The following EBF1 variants were observed in gnomAD, a reference collection of about 807,000 sequenced individuals.
EBF1 encodes transcription factor COE1.
EBF1 carries 10 observed loss-of-function variants against 68.4 expected under a neutral mutation model. The observed-to-expected ratio is 0.15, with a 90% CI of 0.09 to 0.25. The LOEUF is 0.25. Among genes scored for constraint, EBF1 ranks in the 10% least tolerant of loss-of-function variants. The pLI is 1.00. For synonymous variants in EBF1, 298 were observed against 299.8 expected (o/e 0.99, Z 0.06); for missense variants, 509 against 794.4 (o/e 0.64, Z 4.32).
Position 158,818,130 on chromosome 5 carries a change from T to A in EBF1, c.778+5046A>T, listed in dbSNP as rs140717263. The stretch of plus-strand genomic sequence containing the variant: ...AAAACTGAGGCCCACAGAAGCAAAG[T>A]GACCTTCCCAGGGCCACTTCAGCCA... On this transcript the variant is annotated intron_variant, in intron 8 of 15. Coordinates refer to ENST00000313708, the MANE Select transcript of EBF1 (RefSeq NM_024007.5). Among the ~76,000 whole-genome samples, 17 of 152,256 alleles carry A rather than the reference T, an allele frequency of 1.1e-4. No individual in the cohort carries two copies. The East Asian group carries it at 3.3e-3, about 29-fold the overall frequency.
chr5:159,055,461 T>C (rs2127838828), intron 6 of EBF1, among the ~76,000 whole-genome samples: 1 of 152,322 alleles, frequency 6.6e-6, no homozygotes, highest in Admixed American at 6.5e-5. Flanking sequence ...GCATTCTACA[T>C]GAGGTTCCTT....
At chr5:159,073,242 C>T (rs2127944505) in intron 6 of EBF1, among the ~76,000 whole-genome samples, 154 bp downstream of exon 6, 2 of 152,276 alleles carry the variant, frequency 1.3e-5, no homozygotes, top group East Asian at 3.9e-4. Flanking sequence ...ATATGGCTTT[C>T]CCAGGAATCA....
At chr5:158,800,514 A>C (rs1052371828) in intron 8 of EBF1, among the ~76,000 whole-genome samples, 3 of 152,252 alleles carry the variant, frequency 2.0e-5, no homozygotes, top group African/African-American at 4.8e-5. Context: ...TTAAAAAATT[A>C]AGTAGCAGCA....
intron 9 of EBF1, among the ~76,000 whole-genome samples, chr5:158,781,537 A>G (rs1454829055): frequency 6.6e-6 from 1 of 152,108 alleles, no homozygotes; most frequent in South Asian, 2.1e-4. Flanking sequence ...TGCCATCTCA[A>G]TCTCAACATG....
At chr5:158,975,271 C>T (rs1290516282) in intron 6 of EBF1, among the ~76,000 whole-genome samples, 1 of 152,118 alleles carries the variant, frequency 6.6e-6, no homozygotes, top group Non-Finnish European at 1.5e-5. Flanking sequence ...TGACCCCACT[C>T]CCCCCAAAAA....
chr5:158,920,581 T>TC (rs1808193603), intron 6 of EBF1, among the ~76,000 whole-genome samples: 1 of 152,082 alleles, frequency 6.6e-6, no homozygotes, highest in South Asian at 2.1e-4. Context: ...TTTTCTTTCT[T>TC]CTTTTTTTTT....
At chr5:158,812,122 C>T (rs1582116027) in intron 8 of EBF1, among the ~76,000 whole-genome samples, 1 of 152,312 alleles carries the variant, frequency 6.6e-6, no homozygotes, top group East Asian at 1.9e-4. Context: ...ACAACTGTCC[C>T]TGCCTTATCA....
At chr5:158,712,032 C>G (rs1039743780) in intron 14 of EBF1, 122 bp downstream of exon 14, 4 of 1,197,048 alleles carry the variant, frequency 3.3e-6, no homozygotes, top group Non-Finnish European at 4.7e-6. Context: ...CAGGGGAGTG[C>G]CTTACAGGAG....
At chr5:158,850,015 T>TAA (rs1247860485) in intron 6 of EBF1, among the ~76,000 whole-genome samples, 2 of 152,256 alleles carry the variant, frequency 1.3e-5, no homozygotes, top group Non-Finnish European at 2.9e-5. Flanking sequence ...TCATATTGCA[T>TAA]AATTCATACA....
intron 6 of EBF1, among the ~76,000 whole-genome samples, chr5:158,903,602 TA>T (rs896775890): frequency 4.6e-4 from 68 of 148,462 alleles, no homozygotes; most frequent in Non-Finnish European, 6.9e-4. Flanking sequence ...CTTTTTCACT[TA>T]AAAAAAAAAC....
chr5:158,822,068 C>T (rs912782806), intron 8 of EBF1, among the ~76,000 whole-genome samples: 1 of 152,128 alleles, frequency 6.6e-6, no homozygotes, highest in Non-Finnish European at 1.5e-5. Flanking sequence ...TTATGGGCAA[C>T]TCCTGGCCCA....
chr5:158,744,319 A>C (rs971043002), intron 10 of EBF1, among the ~76,000 whole-genome samples: 40 of 148,728 alleles, frequency 2.7e-4, no homozygotes, highest in African/African-American at 8.6e-4. Context: ...TGAGAGACAA[A>C]ACAGGACAAA....
intron 10 of EBF1, among the ~76,000 whole-genome samples, chr5:158,742,249 C>A (rs1030065991): frequency 7.9e-5 from 12 of 152,220 alleles, no homozygotes; most frequent in Non-Finnish European, 1.6e-4. Context: ...TGAAAACACT[C>A]CAGAACCCAT....
intron 9 of EBF1, among the ~76,000 whole-genome samples, chr5:158,788,747 C>T (rs1455271633): frequency 6.6e-6 from 1 of 152,178 alleles, no homozygotes; most frequent in African/African-American, 2.4e-5. Context: ...AAATTCATCA[C>T]ACTTCTGTGG....
chr5:158,885,938 C>T (rs2128099646), intron 6 of EBF1, among the ~76,000 whole-genome samples: 1 of 152,302 alleles, frequency 6.6e-6, no homozygotes, highest in African/African-American at 2.4e-5. Flanking sequence ...GCTTCTCTGC[C>T]TCTGCCCTCC....
At chr5:158,856,935 C>T (rs769313829) in intron 6 of EBF1, among the ~76,000 whole-genome samples, 12 of 152,198 alleles carry the variant, frequency 7.9e-5, no homozygotes, top group Non-Finnish European at 1.3e-4. Flanking sequence ...TTAGATACTG[C>T]ATGGTAAAAT....
chr5:158,976,642 A>G (rs1756820733), intron 6 of EBF1, among the ~76,000 whole-genome samples: 1 of 152,146 alleles, frequency 6.6e-6, no homozygotes, highest in African/African-American at 2.4e-5. Flanking sequence ...CTGGACAGCA[A>G]TTTCTTTTAT....
intron 6 of EBF1, among the ~76,000 whole-genome samples, chr5:158,942,576 A>C (rs961928989): frequency 1.3e-5 from 2 of 152,138 alleles, no homozygotes; most frequent in African/African-American, 4.8e-5. Context: ...GTGGGACTGG[A>C]TTACTAGTTA....
At chr5:158,799,696 T>C (rs1416653408) in intron 8 of EBF1, among the ~76,000 whole-genome samples, 1 of 152,178 alleles carries the variant, frequency 6.6e-6, no homozygotes, top group East Asian at 1.9e-4. Context: ...ACATCTGTAA[T>C]GCAACGGGAA....
Sources: allele counts gnomAD v4.1 joint callset (sites outside exome capture counted in the v4.1 genomes callset), GRCh38; gene constraint gnomAD v4.1.1; transcripts MANE v1.5; gene names NCBI Gene and HGNC (gene_info 2026-07-23, HGNC 2026-07-21).